Variants in CADM2 observed in about 807,000 individuals in gnomAD.
CADM2 encodes the protein cell adhesion molecule 2.
In CADM2, 12 loss-of-function variants were observed where a neutral mutation model predicts 49.8. The ratio of observed to expected loss-of-function variants is 0.24; its 90% CI spans 0.15 to 0.39. CADM2 has a LOEUF of 0.39. CADM2 is among the 10% of genes least tolerant of loss of function. The pLI, the probability that CADM2 is intolerant of heterozygous loss-of-function variation, is 1.00. For missense variants in CADM2, 378 were observed against 492.3 expected, an observed-to-expected ratio of 0.77 and a Z score of 2.20; for synonymous variants, 214 against 175.4, an observed-to-expected ratio of 1.22 and a Z score of -1.74.
intron 8 of CADM2, among the ~76,000 whole-genome samples, chr3:85,985,117 AGT>A (rs967550456): frequency 2.6e-5 from 4 of 152,072 alleles, no homozygotes; most frequent in Admixed American, 1.3e-4. Flanking sequence ...AATTTAACTC[AGT>A]GACTTACACA....
chr3:85,117,056 A>G (rs2038664236), intron 1 of CADM2, among the ~76,000 whole-genome samples: 2 of 151,990 alleles, frequency 1.3e-5, no homozygotes, highest in African/African-American at 4.8e-5. Context: ...CCCCATCTCT[A>G]CTAAAAATAC....
At chr3:85,959,064 C>CTATATCTA (rs1559766982) in intron 7 of CADM2, among the ~76,000 whole-genome samples, 14 of 98,798 alleles carry the variant, frequency 1.4e-4, no homozygotes, top group African/African-American at 1.0e-3. Flanking sequence ...ATATCTATAT[C>CTATATCTA]TATATATCTA....
At chr3:85,242,725 A>G (rs984566738) in intron 1 of CADM2, among the ~76,000 whole-genome samples, 3 of 151,820 alleles carry the variant, frequency 2.0e-5, no homozygotes, top group African/African-American at 7.2e-5. Context: ...ATTAGATAAT[A>G]CAAGATCTCA....
intron 1 of CADM2, among the ~76,000 whole-genome samples, chr3:85,216,476 A>G (rs2041931125): frequency 6.6e-6 from 1 of 151,502 alleles, no homozygotes; most frequent in African/African-American, 2.4e-5. Flanking sequence ...AAAGAGATTA[A>G]TTTGCAATAA....
At chr3:85,327,490 T>A (rs818221) in intron 1 of CADM2, among the ~76,000 whole-genome samples, 33,802 of 150,780 alleles carry the variant, frequency 0.22, 6,051 homozygotes, top group African/African-American at 0.5. Context: ...TCCTGACCTC[T>A]GGTGATTGAC....
chr3:85,302,337 T>C (rs2044121778), intron 1 of CADM2, among the ~76,000 whole-genome samples: 1 of 151,994 alleles, frequency 6.6e-6, no homozygotes, highest in Non-Finnish European at 1.5e-5. Flanking sequence ...CCAAATCCCA[T>C]TTTTTTCTGT....
At chr3:84,984,079 ACT>A in intron 1 of CADM2, among the ~76,000 whole-genome samples, 1 of 146,522 alleles carries the variant, frequency 6.8e-6, no homozygotes, top group South Asian at 2.2e-4. Context: ...ACACACACAC[ACT>A]TATTTTAAAA....
At chr3:85,336,762 G>A (rs533994411) in intron 1 of CADM2, among the ~76,000 whole-genome samples, 1 of 149,498 alleles carries the variant, frequency 6.7e-6, no homozygotes, top group South Asian at 2.1e-4. Flanking sequence ...TTTCGTATAT[G>A]AAACATTTAG....
intron 8 of CADM2, among the ~76,000 whole-genome samples, chr3:85,971,867 G>T (rs183401901): frequency 6.6e-6 from 1 of 151,438 alleles, no homozygotes; most frequent in Non-Finnish European, 1.5e-5. Flanking sequence ...GACAGTTACC[G>T]CCTACAGTTT....
intron 3 of CADM2, among the ~76,000 whole-genome samples, chr3:85,863,599 T>G (rs1054397779): frequency 6.6e-6 from 1 of 152,194 alleles, no homozygotes; most frequent in Non-Finnish European, 1.5e-5. Context: ...GCACAAGGCC[T>G]TCAGCAGACA....
chr3:86,007,315 G>C (rs2106872286), intron 8 of CADM2, among the ~76,000 whole-genome samples: 1 of 152,104 alleles, frequency 6.6e-6, no homozygotes, highest in Non-Finnish European at 1.5e-5. Context: ...CAATAATGGT[G>C]ATTAAAAAAA....
intron 1 of CADM2, among the ~76,000 whole-genome samples, chr3:85,274,854 G>A (rs904256613): frequency 1.3e-5 from 2 of 151,388 alleles, no homozygotes; most frequent in African/African-American, 2.4e-5. Flanking sequence ...AGTCTGGTTA[G>A]GGGAATTGAG....
intron 1 of CADM2, among the ~76,000 whole-genome samples, chr3:85,703,784 T>G (rs1284410611): frequency 6.6e-6 from 1 of 152,168 alleles, no homozygotes; most frequent in Non-Finnish European, 1.5e-5. Context: ...ATGTTTTTGT[T>G]TGTTTTCCTA....
chr3:85,883,533 G>A (rs1413887732), intron 4 of CADM2, 90 bp downstream of exon 4: 5 of 1,164,364 alleles, frequency 4.3e-6, no homozygotes, highest in Non-Finnish European at 5.9e-6. Flanking sequence ...AATATATTTT[G>A]AAGATTATAT....
At chr3:85,765,518 T>G (rs900192409) in intron 2 of CADM2, among the ~76,000 whole-genome samples, 1 of 152,058 alleles carries the variant, frequency 6.6e-6, no homozygotes, top group South Asian at 2.1e-4. Context: ...CCCAGTGTTT[T>G]AATTCAGATG....
intron 1 of CADM2, among the ~76,000 whole-genome samples, chr3:85,365,939 C>T (rs2032751186): frequency 6.6e-6 from 1 of 152,200 alleles, no homozygotes; most frequent in East Asian, 1.9e-4. Context: ...CTGGGGCTGC[C>T]ATAGCCCAGG....
chr3:85,996,696 ATTC>A (rs1252720619), intron 8 of CADM2, among the ~76,000 whole-genome samples: 1 of 152,160 alleles, frequency 6.6e-6, no homozygotes, highest in Non-Finnish European at 1.5e-5. Flanking sequence ...AAACTTTATA[ATTC>A]TTCTTCATCA....
chr3:85,660,120 A>G (rs923459485), intron 1 of CADM2, among the ~76,000 whole-genome samples: 17 of 152,022 alleles, frequency 1.1e-4, no homozygotes, highest in African/African-American at 4.1e-4. Flanking sequence ...GACTCATGTG[A>G]ATGTTTCTAG....
chr3:85,626,146 T>A (rs1353429128), intron 1 of CADM2, among the ~76,000 whole-genome samples: 1 of 152,026 alleles, frequency 6.6e-6, no homozygotes, highest in African/African-American at 2.4e-5. Context: ...GAAGTATTAT[T>A]TTATACACTG....
Sources: allele counts gnomAD v4.1 joint callset (sites outside exome capture counted in the v4.1 genomes callset), GRCh38; gene constraint gnomAD v4.1.1; transcripts MANE v1.5; gene names NCBI Gene and HGNC (gene_info 2026-07-23, HGNC 2026-07-21).